MPHOSPH9: variants seen among roughly 807,000 people sequenced by gnomAD.
MPHOSPH9 encodes the protein M-phase phosphoprotein 9.
A neutral mutation model predicts 145.5 loss-of-function variants in MPHOSPH9; 88 were observed. The ratio of observed to expected loss-of-function variants is 0.60; its 90% CI spans 0.51 to 0.72. The LOEUF (loss-of-function observed/expected upper bound fraction) is 0.72, where lower values mean the gene tolerates loss of function less well. MPHOSPH9 is among the 30% of genes least tolerant of loss of function. The pLI is 0.00. For missense variants in MPHOSPH9, 1,238 were observed against 1,386.6 expected (o/e 0.89, Z 1.70); for synonymous variants, 435 against 486.2 (o/e 0.89, Z 1.39).
At chr12:123,235,827 G>A (rs1354208787), upstream of MPHOSPH9, among the ~76,000 whole-genome samples, 1 of 151,926 alleles carries the variant, frequency 6.6e-6, no homozygotes, top group African/African-American at 2.4e-5. Context: ...ACTTCGGGAG[G>A]CCGAGGCAAG....
chr12:123,153,982 T>G (rs1015574981), downstream of MPHOSPH9, among the ~76,000 whole-genome samples: 1 of 152,154 alleles, frequency 6.6e-6, no homozygotes, highest in Non-Finnish European at 1.5e-5. Context: ...TCTCCTTTCT[T>G]GTCCCCTGAG....
intron 8 of MPHOSPH9, among the ~76,000 whole-genome samples, chr12:123,207,146 T>TAAAAAAAAAAAAAAAAAAAAAAAAAATAA (rs35392378): frequency 8.7e-6 from 1 of 114,582 alleles, no homozygotes; most frequent in Non-Finnish European, 1.7e-5. Flanking sequence ...CTAAAGTGGT[T>TAAAAAAAAAAAAAAAAAAAAAAAAAATAA]AAAAAAAAAA....
intron 16 of MPHOSPH9, among the ~76,000 whole-genome samples, chr12:123,174,649 G>C (rs756772645): frequency 6.6e-6 from 1 of 152,120 alleles, no homozygotes; most frequent in African/African-American, 2.4e-5. Context: ...TGGGATTACA[G>C]GCGTGAGCCA....
intron 15 of MPHOSPH9, among the ~76,000 whole-genome samples, chr12:123,179,551 C>A (rs989944741): frequency 6.6e-6 from 1 of 151,554 alleles, no homozygotes; most frequent in African/African-American, 2.4e-5. Context: ...CTCCAGCCTG[C>A]GTGACAGAGT....
intron 16 of MPHOSPH9, 78 bp downstream of exon 16, chr12:123,176,610 T>G (rs2044876181): frequency 2.7e-6 from 3 of 1,092,538 alleles, no homozygotes; most frequent in Non-Finnish European, 4.1e-6. Context: ...TTCTTATGAT[T>G]TAGACAGATG....
chr12:123,181,831 A>G (rs956325988), intron 13 of MPHOSPH9, among the ~76,000 whole-genome samples: 3 of 152,174 alleles, frequency 2.0e-5, no homozygotes, highest in African/African-American at 7.2e-5. Flanking sequence ...TGAGGCTTGC[A>G]GTGAGATTGC....
intron 7 of MPHOSPH9, among the ~76,000 whole-genome samples, 192 bp from the exon 8 acceptor site, chr12:123,210,354 TA>T (rs1367280433): frequency 5.3e-5 from 8 of 152,288 alleles, no homozygotes; most frequent in African/African-American, 1.9e-4. Flanking sequence ...TGCAAATGTT[TA>T]AAACTGAAAT....
rs185471046 is a variant in MPHOSPH9 at position 123,154,227 on chromosome 12, T to C, written c.*2580A>G. ...GATTTGCTTAGGGTTTTTTTTTTTT[T>C]TTTCTTTTTAAACTATTAATACCTG... On this transcript the variant is annotated 3_prime_UTR_variant, in exon 24 of 24. Coordinates refer to ENST00000606320, the MANE Select transcript of MPHOSPH9 (RefSeq NM_022782.4). 8.6e-5 allele frequency: 13 copies of C among 151,690 alleles called. No individual in the cohort carries two copies. Among genetic ancestry groups the C allele is most frequent in the Admixed American group, 3.3e-4 (5 of 15,272 alleles). 9.4% of individuals were successfully genotyped at this position (151,690 alleles called of 1,614,324 possible).
intron 16 of MPHOSPH9, among the ~76,000 whole-genome samples, chr12:123,176,269 A>G (rs1459599709): frequency 1.3e-5 from 2 of 152,222 alleles, no homozygotes; most frequent in Non-Finnish European, 2.9e-5. Context: ...AAAACTAGAA[A>G]GAAAACCCAT....
At chr12:123,192,949 G>A (rs935568521) in intron 13 of MPHOSPH9, among the ~76,000 whole-genome samples, 1 of 150,948 alleles carries the variant, frequency 6.6e-6, no homozygotes, top group African/African-American at 2.4e-5. Context: ...GCACGCGCCT[G>A]TACTCCCAGC....
At chr12:123,176,129 C>A (rs751502150) in intron 16 of MPHOSPH9, among the ~76,000 whole-genome samples, 11 of 152,020 alleles carry the variant, frequency 7.2e-5, no homozygotes, top group Non-Finnish European at 1.6e-4. Context: ...TTATTATTTA[C>A]TTATTAATAT....
At chr12:123,216,211 C>T (rs1341073473) in intron 6 of MPHOSPH9, among the ~76,000 whole-genome samples, 10 of 152,168 alleles carry the variant, frequency 6.6e-5, no homozygotes, top group Admixed American at 4.6e-4. Flanking sequence ...AGACCACAGA[C>T]GCTTTTGTGG....
chr12:123,232,929 G>T (rs1410579062), intron 1 of MPHOSPH9, 146 bp downstream of exon 1: 4 of 152,550 alleles, frequency 2.6e-5, no homozygotes, highest in African/African-American at 7.2e-5. Context: ...ACGCCGAAGG[G>T]CTCCGAGGGG....
intron 1 of MPHOSPH9, among the ~76,000 whole-genome samples, chr12:123,232,155 A>T (rs567807031): frequency 1.3e-5 from 2 of 151,956 alleles, no homozygotes; most frequent in Admixed American, 6.6e-5. Flanking sequence ...CCTGGATTCC[A>T]ATCACCATGC....
intron 3 of MPHOSPH9, among the ~76,000 whole-genome samples, chr12:123,227,025 T>C (rs2047463831): frequency 6.6e-6 from 1 of 152,160 alleles, no homozygotes; most frequent in African/African-American, 2.4e-5. Flanking sequence ...AACAATATAA[T>C]GCAATGTATC....
At chr12:123,157,352 A>G (rs7311411) in intron 23 of MPHOSPH9, among the ~76,000 whole-genome samples, 4,689 of 139,448 alleles carry the variant, frequency 0.034, 98 homozygotes, top group Non-Finnish European at 0.051. Context: ...GTTAAAAAGG[A>G]AAAAAAAAAA....
intron 11 of MPHOSPH9, among the ~76,000 whole-genome samples, chr12:123,200,890 C>G (rs1565942368): frequency 6.6e-6 from 1 of 151,990 alleles, no homozygotes; most frequent in Non-Finnish European, 1.5e-5. Flanking sequence ...AACTCCTAAC[C>G]TCTAGTGATC....
rs765407854 is a variant in MPHOSPH9 at position 123,198,294 on chromosome 12, G to A, written c.1978C>T (p.Arg660Cys). Residue 660 changes from arginine to cysteine, a missense_variant, in exon 12 of 24, where the codon CGC becomes TGC. Physicochemically the swap from Arg to Cys is radical, Grantham distance 180. Transcript: ENST00000606320. The part of the protein sequence containing the change: ...LDSALHEATS[R>C]VRTLENKNNL... ...TTCTTATTTTCAAGTGTTCTCACGC[G>A]ACTAGTAGCTTCATGCAAAGCACTA... 1.7e-5 allele frequency: 28 copies of A among 1,612,134 alleles called. No individual in the cohort carries two copies. Among genetic ancestry groups the A allele is most frequent in the Admixed American group, 1.2e-4 (7 of 59,802 alleles).
intron 5 of MPHOSPH9, 31 bp downstream of exon 5, chr12:123,221,341 A>G (rs1394196048): frequency 2.0e-6 from 3 of 1,486,708 alleles, no homozygotes; most frequent in Non-Finnish European, 2.7e-6. Context: ...AATGTAATAA[A>G]CTCCCTTCAA....
Sources: allele counts gnomAD v4.1 joint callset (sites outside exome capture counted in the v4.1 genomes callset), GRCh38; gene constraint gnomAD v4.1.1; transcripts MANE v1.5; gene names NCBI Gene and HGNC (gene_info 2026-07-23, HGNC 2026-07-21).